Variants in FSTL4 observed in about 807,000 individuals in gnomAD.
The protein encoded by FSTL4 is follistatin-related protein 4.
A neutral mutation model predicts 78.2 loss-of-function variants in FSTL4; 28 were observed. That is an observed-to-expected ratio of 0.36 (90% confidence interval 0.27 to 0.49). FSTL4 has a LOEUF of 0.49. Ranked by LOEUF, FSTL4 falls within the 20% of genes least tolerant of loss-of-function variation. FSTL4 has a pLI of 0.98. For missense variants in FSTL4, 922 were observed against 1,084.9 expected, an observed-to-expected ratio of 0.85 and a Z score of 2.11; for synonymous variants, 422 against 440.5, an observed-to-expected ratio of 0.96 and a Z score of 0.53.
the FSTL4 span, among the ~76,000 whole-genome samples, chr5:133,617,775 G>A: frequency 6.6e-6 from 1 of 152,198 alleles, no homozygotes; most frequent in Admixed American, 6.5e-5. Flanking sequence ...TAAGAGTGGT[G>A]ACTTTTCAAG....
chr5:133,205,425 CAT>C lies in FSTL4; in HGVS notation c.1717-3385_1717-3384del, dbSNP rs1750467471. On this transcript the variant is annotated intron_variant, in intron 14 of 15. Transcript: ENST00000265342. ...TGTGTGTGTAGTGTTTGTTTATACA[CAT>C]GCGTCTCTCCTGTGAAACTCCCTTT... 5.9e-5 allele frequency among the ~76,000 whole-genome samples: 9 copies of C among 151,906 alleles called. No homozygotes were observed. In the South Asian group the frequency reaches 1.2e-3, roughly 21 times the overall value.
At chr5:133,837,897 A>G in the FSTL4 span, among the ~76,000 whole-genome samples, 1 of 151,618 alleles carries the variant, frequency 6.6e-6, no homozygotes, top group Non-Finnish European at 1.5e-5. Flanking sequence ...TTATATATAT[A>G]TATATTTTAG....
At chr5:133,822,569 G>A in the FSTL4 span, among the ~76,000 whole-genome samples, 1 of 152,150 alleles carries the variant, frequency 6.6e-6, no homozygotes, top group East Asian at 1.9e-4. Flanking sequence ...TAAGGAAGGT[G>A]AGGGTGGAGC....
chr5:133,387,092 A>T lies in FSTL4; in HGVS notation c.409+13646T>A, dbSNP rs1449003757. On this transcript the variant is annotated intron_variant, in intron 4 of 15. Coordinates refer to ENST00000265342, the MANE Select transcript of FSTL4 (RefSeq NM_015082.2). ...GAAGGAATGCAGCCATAACATCAGC[A>T]AAGCTGCATGAAGTCTTTCCCTCTG... Among the ~76,000 whole-genome samples the T allele has an allele frequency of 2.6e-5, 4 of 152,178 alleles. No individual in the cohort carries two copies. The East Asian group carries it at 7.7e-4, about 29-fold the overall frequency.
chr5:133,648,472 CTACCCCCA>C, the FSTL4 span, among the ~76,000 whole-genome samples: 6 of 152,192 alleles, frequency 3.9e-5, no homozygotes, highest in African/African-American at 1.2e-4. Flanking sequence ...TCTCTCTGGG[CTACCCCCA>C]TACCTGACCC....
the FSTL4 span, among the ~76,000 whole-genome samples, chr5:133,664,985 C>CA: frequency 1.2e-4 from 19 of 152,258 alleles, no homozygotes; most frequent in African/African-American, 4.3e-4. Context: ...CATGCACCTA[C>CA]CCAGCCGGAG....
At chr5:133,676,981 A>C in the FSTL4 span, among the ~76,000 whole-genome samples, 1 of 152,234 alleles carries the variant, frequency 6.6e-6, no homozygotes, top group Non-Finnish European at 1.5e-5. Flanking sequence ...CAAATGCCAT[A>C]AGAAATTTTA....
chr5:133,576,310 G>A (rs746641421), intron 2 of FSTL4, among the ~76,000 whole-genome samples: 7 of 152,186 alleles, frequency 4.6e-5, no homozygotes, highest in Admixed American at 1.3e-4. Context: ...TCATAGTCAC[G>A]CCTCTCCATC....
intron 3 of FSTL4, among the ~76,000 whole-genome samples, chr5:133,443,005 T>A (rs1425907434): frequency 6.6e-6 from 1 of 152,256 alleles, no homozygotes; most frequent in Non-Finnish European, 1.5e-5. Context: ...CTTCTGAAGA[T>A]TCCATTTATC....
At chr5:133,324,634 C>T (rs116686242) in intron 4 of FSTL4, among the ~76,000 whole-genome samples, 256 of 152,370 alleles carry the variant, frequency 1.7e-3, no homozygotes, top group African/African-American at 3.9e-3. Context: ...TGCAGTGGGG[C>T]CTTGCTTACA....
the FSTL4 span, among the ~76,000 whole-genome samples, chr5:133,623,464 A>C: frequency 2.0e-5 from 3 of 152,016 alleles, no homozygotes; most frequent in African/African-American, 7.2e-5. Context: ...GAATGTGTTT[A>C]GACCCCTACC....
At chr5:133,394,461 A>G (rs1755945039) in intron 4 of FSTL4, among the ~76,000 whole-genome samples, 1 of 152,172 alleles carries the variant, frequency 6.6e-6, no homozygotes, top group South Asian at 2.1e-4. Flanking sequence ...GCCAGCTGGC[A>G]CCACTGGCCC....
intron 3 of FSTL4, among the ~76,000 whole-genome samples, chr5:133,481,850 A>G (rs890014304): frequency 5.3e-5 from 8 of 152,182 alleles, no homozygotes; most frequent in Non-Finnish European, 1.2e-4. Flanking sequence ...CAGTCATAAT[A>G]AAAAGGGCTG....
chr5:133,537,257 C>T (rs1209593406), intron 3 of FSTL4, among the ~76,000 whole-genome samples: 1 of 152,078 alleles, frequency 6.6e-6, no homozygotes, highest in East Asian at 1.9e-4. Flanking sequence ...ACAATACTGA[C>T]CTTCTTATTA....
chr5:133,733,782 A>G, the FSTL4 span, among the ~76,000 whole-genome samples: 29 of 152,246 alleles, frequency 1.9e-4, no homozygotes, highest in Admixed American at 3.3e-4. Context: ...TAGCTGAGTC[A>G]CAGTGGCTTG....
the FSTL4 span, among the ~76,000 whole-genome samples, chr5:133,665,643 A>G: frequency 6.6e-6 from 1 of 151,474 alleles, no homozygotes; most frequent in Admixed American, 6.6e-5. Flanking sequence ...AGCAGCCTTC[A>G]CTTCTGTGCC....
At chr5:133,839,722 C>T in the FSTL4 span, among the ~76,000 whole-genome samples, 21 of 152,326 alleles carry the variant, frequency 1.4e-4, no homozygotes, top group South Asian at 4.1e-4. Flanking sequence ...CATGGCTGAG[C>T]GCCCCTTTGC....
chr5:133,575,999 C>T (rs754910901), intron 2 of FSTL4, among the ~76,000 whole-genome samples: 3 of 152,072 alleles, frequency 2.0e-5, no homozygotes, highest in Admixed American at 6.5e-5. Flanking sequence ...TTCCTGAATC[C>T]GTTATCTCTC....
At chr5:133,659,688 C>A in the FSTL4 span, among the ~76,000 whole-genome samples, 1 of 151,504 alleles carries the variant, frequency 6.6e-6, no homozygotes, top group Non-Finnish European at 1.5e-5. Context: ...TCTTCTTCTT[C>A]CCCTTTCCTT....
Sources: gnomAD v4.1 joint callset for allele counts (sites outside exome capture counted in the v4.1 genomes callset) on GRCh38, gnomAD v4.1.1 for gene constraint, MANE v1.5 for transcripts, NCBI Gene and HGNC (gene_info 2026-07-23, HGNC 2026-07-21) for gene names.